Variants in LRRC28 observed in about 807,000 individuals in gnomAD.
LRRC28 encodes leucine rich repeat containing 28.
LRRC28 carries 39 observed loss-of-function variants against 45.7 expected under a neutral mutation model. The observed-to-expected ratio is 0.85, with a 90% CI of 0.66 to 1.12. LRRC28 has a LOEUF of 1.12. Among genes scored for constraint, LRRC28 ranks in the 50% most tolerant of loss-of-function variants. The pLI is 0.00. For missense variants in LRRC28, 435 were observed against 438.5 expected (o/e 0.99, Z 0.07); for synonymous variants, 206 against 178.8 (o/e 1.15, Z -1.22).
intron 6 of LRRC28, among the ~76,000 whole-genome samples, chr15:99,349,917 A>G (rs1002477435): frequency 4.0e-5 from 6 of 151,754 alleles, no homozygotes; most frequent in Non-Finnish European, 8.8e-5. Context: ...CGGGTGGATC[A>G]TGAGGTCAGG....
At chr15:99,352,217 C>A in intron 6 of LRRC28, 152 bp from the exon 7 acceptor site, 1 of 601,052 alleles carries the variant, frequency 1.7e-6, no homozygotes, top group Non-Finnish European at 2.8e-6. Flanking sequence ...CTTGTTTAGG[C>A]TGACCCATAA....
At chr15:99,266,958 T>G (rs1004261142) in intron 2 of LRRC28, among the ~76,000 whole-genome samples, 1 of 152,076 alleles carries the variant, frequency 6.6e-6, no homozygotes, top group African/African-American at 2.4e-5. Flanking sequence ...AGTATGAGGG[T>G]AGGGGTGGAG....
intron 6 of LRRC28, among the ~76,000 whole-genome samples, chr15:99,350,440 T>G (rs896299053): frequency 1.3e-5 from 2 of 152,236 alleles, no homozygotes; most frequent in South Asian, 4.1e-4. Context: ...CTCCTCCTGC[T>G]TTCTGGGACA....
At chr15:99,276,646 AC>A in intron 3 of LRRC28, 30 bp downstream of exon 3, 1 of 1,476,348 alleles carries the variant, frequency 6.8e-7, no homozygotes, top group Non-Finnish European at 9.1e-7. Context: ...TTTTTTAAAG[AC>A]AAGAATGAAA....
intron 5 of LRRC28, among the ~76,000 whole-genome samples, chr15:99,297,823 A>G (rs1046453733): frequency 5.3e-5 from 8 of 152,024 alleles, no homozygotes; most frequent in African/African-American, 1.4e-4. Flanking sequence ...AGACTTTTCA[A>G]TTTTATTTAC....
At chr15:99,291,583 C>T (rs929442493) in intron 5 of LRRC28, among the ~76,000 whole-genome samples, 3 of 152,154 alleles carry the variant, frequency 2.0e-5, no homozygotes, top group African/African-American at 7.2e-5. Context: ...ACAGTAGGCA[C>T]CAGTTGATAT....
chr15:99,292,748 C>G (rs149273981), intron 5 of LRRC28, among the ~76,000 whole-genome samples: 112 of 152,322 alleles, frequency 7.4e-4, no homozygotes, highest in Non-Finnish European at 1.1e-3. Context: ...ACTGATTTTT[C>G]TTTAACCCTT....
chr15:99,303,732 G>T (rs964661325), intron 5 of LRRC28, among the ~76,000 whole-genome samples: 1 of 152,108 alleles, frequency 6.6e-6, no homozygotes, highest in Non-Finnish European at 1.5e-5. Context: ...TACTCAGGAG[G>T]CTGAGGCAGG....
intron 5 of LRRC28, among the ~76,000 whole-genome samples, chr15:99,291,633 T>G (rs1364648777): frequency 1.3e-5 from 2 of 152,262 alleles, no homozygotes; most frequent in Non-Finnish European, 2.9e-5. Flanking sequence ...ATGCTGAGAC[T>G]TGTCACATGT....
At chr15:99,291,409 C>CT (rs1160307134) in intron 5 of LRRC28, among the ~76,000 whole-genome samples, 1 of 152,192 alleles carries the variant, frequency 6.6e-6, no homozygotes, top group East Asian at 1.9e-4. Context: ...ATTTGATTCA[C>CT]TTTATGCATC....
At chr15:99,344,169 T>C (rs1054753578) in intron 6 of LRRC28, among the ~76,000 whole-genome samples, 9 of 152,198 alleles carry the variant, frequency 5.9e-5, no homozygotes, top group Non-Finnish European at 1.2e-4. Context: ...CGAGTACCAA[T>C]TATTTTGCCA....
chr15:99,365,352 T>C (rs544295824), intron 9 of LRRC28, among the ~76,000 whole-genome samples: 1 of 152,352 alleles, frequency 6.6e-6, no homozygotes, highest in African/African-American at 2.4e-5. Flanking sequence ...CCAGAGTGCC[T>C]CTGTTTATAG....
At chr15:99,371,887 C>T (rs902536648) in intron 9 of LRRC28, among the ~76,000 whole-genome samples, 1 of 152,218 alleles carries the variant, frequency 6.6e-6, no homozygotes, top group African/African-American at 2.4e-5. Context: ...ATTCTTTTCT[C>T]ATACATATCT....
intron 9 of LRRC28, among the ~76,000 whole-genome samples, chr15:99,365,871 AAG>A (rs1358471468): frequency 6.6e-6 from 1 of 152,222 alleles, no homozygotes; most frequent in African/African-American, 2.4e-5. Flanking sequence ...ATTTATAGCA[AAG>A]AAGAATAGCT....
chr15:99,362,969 A>G (rs117959914), intron 8 of LRRC28, 137 bp from the exon 9 acceptor site: 734 of 931,888 alleles, frequency 7.9e-4, no homozygotes, highest in Non-Finnish European at 1.1e-3. Flanking sequence ...TTCAGTGTGT[A>G]TCAATCAGAT....
At position 99,388,133 on chromosome 15, in the gene LRRC28, C is replaced by G. The variant is rs1001619675; in HGVS notation, c.*2031C>G. ...TTGGAATAATTGAAGTTTAACATAA[C>G]CTCTACATGTATATAAGTTAGCTGG... On this transcript the variant is annotated 3_prime_UTR_variant, in exon 10 of 10. Coordinates refer to ENST00000301981, the MANE Select transcript of LRRC28 (RefSeq NM_144598.5). 13 of 152,204 alleles carry G rather than the reference C, an allele frequency of 8.5e-5. No individual in the cohort carries two copies. The highest frequency in any genetic ancestry group is 3.1e-4 in the African/African-American group (13 of 41,438). The allele number at this position is 152,204 out of a possible 1,614,324, so 9.4% of individuals were successfully genotyped here. A position where few individuals can be genotyped will look rare whatever the true frequency, so the allele number is the denominator to read the frequency against.
chr15:99,375,900 C>A (rs1251952188), intron 9 of LRRC28, among the ~76,000 whole-genome samples: 1 of 151,922 alleles, frequency 6.6e-6, no homozygotes, highest in Non-Finnish European at 1.5e-5. Flanking sequence ...TATTCATAAT[C>A]CTAGTGATTG....
intron 5 of LRRC28, among the ~76,000 whole-genome samples, chr15:99,320,384 C>G (rs771516069): frequency 5.9e-5 from 9 of 151,968 alleles, no homozygotes; most frequent in Non-Finnish European, 1.3e-4. Flanking sequence ...ACAGTTGTGT[C>G]CTATACTGGC....
intron 2 of LRRC28, among the ~76,000 whole-genome samples, chr15:99,268,223 G>A (rs2081381953): frequency 6.6e-6 from 1 of 152,152 alleles, no homozygotes; most frequent in Non-Finnish European, 1.5e-5. Context: ...GTTAATTTTT[G>A]TAAAGTCTGT....
Sources: gnomAD v4.1 joint callset for allele counts (sites outside exome capture counted in the v4.1 genomes callset) on GRCh38, gnomAD v4.1.1 for gene constraint, MANE v1.5 for transcripts, NCBI Gene and HGNC (gene_info 2026-07-23, HGNC 2026-07-21) for gene names.